Variants in RBMS3 observed in about 807,000 individuals in gnomAD.
The protein encoded by RBMS3 is RNA binding motif single stranded interacting protein 3.
Under a neutral mutation model 66.8 loss-of-function variants are expected in RBMS3, and 27 were observed. That is an observed-to-expected ratio of 0.40 (90% CI 0.30 to 0.56). The LOEUF (loss-of-function observed/expected upper bound fraction) is 0.56. RBMS3 is among the 20% of genes least tolerant of loss of function. The pLI is 0.40. For synonymous variants in RBMS3, 188 were observed against 183.0 expected (o/e 1.03, Z -0.22); for missense variants, 513 against 549.5 (o/e 0.93, Z 0.66).
chr3:29,890,589 T>C (rs181337408), intron 8 of RBMS3, among the ~76,000 whole-genome samples: 2 of 151,714 alleles, frequency 1.3e-5, no homozygotes, highest in East Asian at 3.9e-4. Context: ...TTTTTCAACT[T>C]TCTATCTATA....
chr3:29,826,283 T>G (rs2058209889), intron 6 of RBMS3, among the ~76,000 whole-genome samples: 1 of 152,216 alleles, frequency 6.6e-6, no homozygotes, highest in African/African-American at 2.4e-5. Context: ...TAAAATCTCA[T>G]GCTTCCTCCC....
At chr3:29,391,946 A>G (rs2039317238) in intron 1 of RBMS3, among the ~76,000 whole-genome samples, 2 of 152,148 alleles carry the variant, frequency 1.3e-5, no homozygotes, top group Admixed American at 1.3e-4. Context: ...TGATAAATAA[A>G]GTTAAATTAA....
At chr3:29,777,501 AT>A (rs1364596674) in intron 6 of RBMS3, among the ~76,000 whole-genome samples, 2 of 151,994 alleles carry the variant, frequency 1.3e-5, no homozygotes, top group African/African-American at 4.8e-5. Flanking sequence ...ACCATCAACT[AT>A]GATGATTCCA....
chr3:29,764,382 CTTT>C (rs11479392), intron 6 of RBMS3, among the ~76,000 whole-genome samples: 3 of 148,600 alleles, frequency 2.0e-5, no homozygotes, highest in Non-Finnish European at 3.0e-5. Flanking sequence ...AGCAGAAATA[CTTT>C]TTTTTTTTTT....
intron 4 of RBMS3, among the ~76,000 whole-genome samples, chr3:29,703,825 C>T (rs560205929): frequency 3.9e-5 from 6 of 152,072 alleles, no homozygotes; most frequent in Admixed American, 6.5e-5. Context: ...GGAACTGGGC[C>T]GCACGGCTGG....
At chr3:29,708,752 A>G (rs1201984262) in intron 4 of RBMS3, among the ~76,000 whole-genome samples, 1 of 152,198 alleles carries the variant, frequency 6.6e-6, no homozygotes, top group African/African-American at 2.4e-5. Context: ...TCTATTAGGA[A>G]TCATCATAAG....
intron 6 of RBMS3, among the ~76,000 whole-genome samples, chr3:29,866,562 A>T (rs2059368318): frequency 1.3e-5 from 2 of 152,200 alleles, no homozygotes; most frequent in South Asian, 4.1e-4. Flanking sequence ...CTGAATCTTT[A>T]AAATGGCAAG....
chr3:29,482,701 C>CTTTTTTTTTTTTTTTTTTTTTTTTTT (rs755520785), intron 2 of RBMS3, among the ~76,000 whole-genome samples: 9 of 77,506 alleles, frequency 1.2e-4, no homozygotes, highest in East Asian at 4.6e-4. Context: ...TTCTTTCTTT[C>CTTTTTTTTTTTTTTTTTTTTTTTTTT]TTTTTTTTTT....
chr3:29,921,529 A>G (rs1227408661), intron 10 of RBMS3, among the ~76,000 whole-genome samples: 1 of 152,088 alleles, frequency 6.6e-6, no homozygotes, highest in Non-Finnish European at 1.5e-5. Context: ...CAGCAAAAAT[A>G]GTCAGGAGGA....
rs1346965091 is a variant in RBMS3 at position 30,007,336 on chromosome 3, A to G, written c.*3474A>G. On this transcript the variant is annotated 3_prime_UTR_variant, in exon 15 of 15. Transcript: ENST00000383767. ...ACTATAATCTTTTTTTTTTTCTTTA[A>G]GTTGAAGTTAATTTTCTGTGCATTC... 6.6e-6 allele frequency: 1 copy of G among 151,490 alleles called. No homozygotes were observed. Among genetic ancestry groups the G allele is most frequent in the East Asian group, 1.9e-4 (1 of 5,182 alleles). 9.4% of individuals were successfully genotyped at this position (151,490 alleles called of 1,614,324 possible).
intron 10 of RBMS3, among the ~76,000 whole-genome samples, chr3:29,928,502 T>C (rs1228273442): frequency 6.6e-6 from 1 of 151,904 alleles, no homozygotes; most frequent in African/African-American, 2.4e-5. Context: ...AATTTTGGAG[T>C]GTGCAATACA....
intron 2 of RBMS3, among the ~76,000 whole-genome samples, chr3:29,446,299 C>G (rs1490316773): frequency 6.7e-6 from 1 of 149,746 alleles, no homozygotes; most frequent in East Asian, 2.0e-4. Flanking sequence ...CAATCAAAAA[C>G]ATTTATTGTA....
At chr3:29,455,689 C>T (rs2042164729) in intron 2 of RBMS3, among the ~76,000 whole-genome samples, 1 of 152,048 alleles carries the variant, frequency 6.6e-6, no homozygotes, top group East Asian at 1.9e-4. Flanking sequence ...TTATCTAATA[C>T]ACATACTTTC....
chr3:29,704,535 G>T (rs148288120), intron 4 of RBMS3, among the ~76,000 whole-genome samples: 8 of 152,216 alleles, frequency 5.3e-5, no homozygotes, highest in African/African-American at 1.7e-4. Context: ...TCTCAAAGTC[G>T]CAGTTGCCTC....
intron 12 of RBMS3, among the ~76,000 whole-genome samples, chr3:29,979,540 A>C (rs1031589322): frequency 6.6e-6 from 1 of 152,100 alleles, no homozygotes; most frequent in Non-Finnish European, 1.5e-5. Context: ...GCATCCATCA[A>C]CCCGTCATCT....
chr3:29,674,413 G>C (rs1407678583), intron 4 of RBMS3, among the ~76,000 whole-genome samples: 2 of 152,046 alleles, frequency 1.3e-5, no homozygotes. Flanking sequence ...GGGTAATCAG[G>C]CGGGAGAAAG....
chr3:29,865,097 G>GAA, intron 6 of RBMS3, among the ~76,000 whole-genome samples: 1 of 143,266 alleles, frequency 7.0e-6, no homozygotes, highest in East Asian at 2.1e-4. Flanking sequence ...AGGAAGGGAG[G>GAA]GAGGGAGGGA....
chr3:29,550,409 G>C (rs1191255473), intron 3 of RBMS3, among the ~76,000 whole-genome samples: 4 of 151,856 alleles, frequency 2.6e-5, no homozygotes, highest in Non-Finnish European at 5.9e-5. Context: ...TGCAATATTT[G>C]GAACATATTT....
At chr3:29,888,705 A>C (rs1224475781) in intron 8 of RBMS3, among the ~76,000 whole-genome samples, 1 of 151,692 alleles carries the variant, frequency 6.6e-6, no homozygotes, top group African/African-American at 2.4e-5. Flanking sequence ...AAACTACACA[A>C]ATTCAAACAA....
Sources: gnomAD v4.1 joint callset for allele counts (sites outside exome capture counted in the v4.1 genomes callset) on GRCh38, gnomAD v4.1.1 for gene constraint, MANE v1.5 for transcripts, NCBI Gene and HGNC (gene_info 2026-07-23, HGNC 2026-07-21) for gene names.